Variants in HDAC10 observed in about 807,000 individuals in gnomAD.
The protein encoded by HDAC10 is histone deacetylase 10.
In HDAC10, 90 loss-of-function variants were observed where a neutral mutation model predicts 82.3. The observed-to-expected ratio is 1.09, with a 90% CI of 0.92 to 1.30. The LOEUF is 1.30. Among genes scored for constraint, HDAC10 ranks in the 50% most tolerant of loss-of-function variants. The pLI is 0.00. For missense variants in HDAC10, 934 were observed against 876.3 expected, an observed-to-expected ratio of 1.07 and a Z score of -0.83; for synonymous variants, 456 against 391.7, an observed-to-expected ratio of 1.16 and a Z score of -1.94.
Position 50,250,094 on chromosome 22 carries a change from C to A in HDAC10, c.358G>T (p.Gly120Ter). ...AGGGCAAGCCCATTTTGCACAGCTCCAGTGAGCACAGCGTCCACCAGCTGC... is the reference window on the plus strand; with the variant it reads ...AGGGCAAGCCCATTTTGCACAGCTCAAGTGAGCACAGCGTCCACCAGCTGC... Reference protein sequence around the residue: ...GLQLVDAVLTGAVQNGLALVR... With the variant: ...GLQLVDAVLT Residue 120 changes from glycine to a stop codon, truncating the protein, a stop_gained, in exon 4 of 20, where the codon GGA (glycine) becomes TGA (stop). Transcript: ENST00000216271. LOFTEE classifies it high-confidence loss of function. 6.2e-7 allele frequency: 1 copy of A among 1,612,746 alleles called. No homozygotes were observed. The highest frequency in any genetic ancestry group is 1.1e-5 in the South Asian group (1 of 91,086).
rs752405222 is a variant in HDAC10 at position 50,250,835 on chromosome 22, C to G, written c.130G>C (p.Glu44Gln). 2.5e-6 allele frequency: 4 copies of G among 1,603,060 alleles called. No individual in the cohort carries two copies. The highest frequency in any genetic ancestry group is 1.7e-5 in the Admixed American group (1 of 59,096). The part of the protein sequence containing the change: ...ALDRLRQRGL[E>Q]QRCLRLSARE... Reference sequence around the variant, plus strand: ...GCTGACAACCGCAGACACCTCTGTTCCAGGCCGCGCTGCCGCAGGCGATCC... The same window carrying G: ...GCTGACAACCGCAGACACCTCTGTTGCAGGCCGCGCTGCCGCAGGCGATCC... The change falls in exon 2 of 20, where the codon GAA becomes CAA. Residue 44 changes from glutamate to glutamine, a missense_variant. Glu to Gln is a conservative substitution (Grantham distance 29). Transcript: ENST00000216271.
intron 16 of HDAC10, 45 bp from the exon 17 acceptor site, chr22:50,246,421 CT>C: frequency 6.6e-7 from 1 of 1,518,508 alleles, no homozygotes; most frequent in Non-Finnish European, 9.1e-7. Context: ...GCTCACCCTC[CT>C]GAGCCCAAAC....
Position 50,245,524 on chromosome 22 carries a change from G to C in HDAC10, c.1993C>G (p.Pro665Ala), listed in dbSNP as rs1742417928. ...EPQWKMLQCHPHLVA is the reference protein window; with the variant it reads ...EPQWKMLQCHAHLVA ...GGCCGATTTCAAGCCACCAGGTGAG[G>C]ATGGCACTACAGGAGGAGCCGAGAA... is the stretch of plus-strand genomic sequence containing the variant. The change falls in exon 20 of 20, where the codon CCT (proline) becomes GCT (alanine). Residue 665 changes from proline to alanine, a missense_variant. Coordinates refer to ENST00000216271, the MANE Select transcript of HDAC10 (RefSeq NM_032019.6). 3 of 929,994 alleles carry C rather than the reference G, an allele frequency of 3.2e-6. No homozygotes were observed. In the African/African-American group the frequency reaches 4.9e-5, roughly 15 times the overall value. 57.6% of individuals were successfully genotyped at this position (929,994 alleles called of 1,614,324 possible).
rs749182880 is a variant in HDAC10, at chr22:50,249,193, C to T, written c.691-25G>A. On this transcript the variant is annotated intron_variant, in intron 7 of 19. Coordinates refer to ENST00000216271, the MANE Select transcript of HDAC10 (RefSeq NM_032019.6). This position sits in a 1 kb window ranked among gnomAD's most constrained non-coding sequence, Gnocchi z 4.4. ...CCTGGCAGGACATCCCAGGCTACAT[C>T]CTGAACTGTGGGGCAGGGGAGGGGC... The T allele has an allele frequency of 1.9e-6, 3 of 1,548,858 alleles. No homozygotes were observed. Among genetic ancestry groups the T allele is most frequent in the South Asian group, 2.3e-5 (2 of 85,262 alleles).
Position 50,248,728 on chromosome 22 carries a change from C to A in HDAC10, c.840G>T (p.Glu280Asp). 1 of 1,573,526 alleles carries A rather than the reference C, an allele frequency of 6.4e-7. No individual in the cohort carries two copies. The highest frequency in any genetic ancestry group is 8.6e-7 in the Non-Finnish European group (1 of 1,159,010). Residue 280 changes from glutamate (E) to aspartate (D), a missense_variant, in exon 10 of 20, where the codon GAG becomes GAT. Physicochemically the swap from Glu to Asp is conservative, Grantham distance 45. Coordinates refer to ENST00000216271, the MANE Select transcript of HDAC10 (RefSeq NM_032019.6). This position sits in a 1 kb window ranked among gnomAD's most constrained non-coding sequence, Gnocchi z 5.4. The stretch of plus-strand genomic sequence containing the variant: ...GCAGCTGTGTGAGGTGGGCGAAGCA[C>A]TCTGGCGTGGCCTGCATTTGCCCCT... ...DPEGQMQATP[E>D]CFAHLTQLLQ...
Position 50,249,986 on chromosome 22 carries a change from T to C in HDAC10, c.390-22A>G. 3.7e-6 allele frequency: 6 copies of C among 1,610,946 alleles called. No homozygotes were observed. The highest frequency in any genetic ancestry group is 4.2e-6 in the Non-Finnish European group (5 of 1,178,344). On this transcript the variant is annotated intron_variant, in intron 4 of 19. Coordinates refer to ENST00000216271, the MANE Select transcript of HDAC10 (RefSeq NM_032019.6). The surrounding 1 kb of genome is among the most constrained non-coding windows in gnomAD (Gnocchi z 4.4). ...AGGCCTACGGCGTGAGAGTAGGATTTGGGTCACGTCAGGGTCGCCCTGGCC... is the reference window on the plus strand; with the variant it reads ...AGGCCTACGGCGTGAGAGTAGGATTCGGGTCACGTCAGGGTCGCCCTGGCC...
intron 17 of HDAC10, 65 bp downstream of exon 17, chr22:50,246,233 A>T: frequency 6.5e-7 from 1 of 1,530,920 alleles, no homozygotes; most frequent in Non-Finnish European, 9.0e-7. Flanking sequence ...AATGCCAGCA[A>T]ACAGCAGCTG....
intron 17 of HDAC10, 39 bp from the exon 18 acceptor site, chr22:50,246,131 A>G: frequency 6.4e-7 from 1 of 1,570,938 alleles, no homozygotes; most frequent in Non-Finnish European, 8.7e-7. Context: ...ATCTACGGAC[A>G]CCTGCTGGCT....
At chr22:50,247,287 C>A (rs980085783) in intron 14 of HDAC10, 3 of 324,734 alleles carry the variant, frequency 9.2e-6, no homozygotes, top group African/African-American at 6.4e-5. Flanking sequence ...CACACACCAC[C>A]ACGCTTGGCT....
rs372395708 is a variant in HDAC10 at position 50,246,395 on chromosome 22, A to G, written c.1572-19T>C. 28 of 1,602,966 alleles carry G rather than the reference A, an allele frequency of 1.7e-5. No individual in the cohort carries two copies. Among genetic ancestry groups the G allele is most frequent in the Admixed American group, 3.3e-5 (2 of 60,000 alleles). The stretch of plus-strand genomic sequence containing the variant: ...ACTCCTCCTTCCAGGACACAGGTGC[A>G]TAAGTGTAAGGCCCTGCTCACCCTC... On this transcript the variant is annotated intron_variant, in intron 16 of 19. Transcript: ENST00000216271.
chr22:50,245,189 T>C lies in HDAC10; in HGVS notation c.*318A>G, dbSNP rs2064910208. 3.9e-6 allele frequency: 2 copies of C among 507,334 alleles called. No individual in the cohort carries two copies. Among genetic ancestry groups the C allele is most frequent in the African/African-American group, 2.0e-5 (1 of 48,868 alleles). The allele number at this position is 507,334 out of a possible 1,614,324, so 31.4% of individuals were successfully genotyped here. A position where few individuals can be genotyped will look rare whatever the true frequency, so the allele number is the denominator to read the frequency against. ...AAAGGAGGCAGAGCCAGCGTTTCGT[T>C]TGAGCGATGTTTACTAACGGCGCAA... On this transcript the variant is annotated 3_prime_UTR_variant, in exon 20 of 20. Transcript: ENST00000216271.
chr22:50,247,016 C>T, intron 14 of HDAC10, 50 bp from the exon 15 acceptor site: 1 of 1,217,126 alleles, frequency 8.2e-7, no homozygotes, highest in Non-Finnish European at 1.2e-6. Flanking sequence ...AACTCCCAAG[C>T]CAGGTAAACA....
rs1274532206 is a variant in HDAC10, at chr22:50,251,159, G to T, written c.-127C>A. 1.0e-6 allele frequency: 1 copy of T among 979,780 alleles called. No homozygotes were observed. The highest frequency in any genetic ancestry group is 1.6e-5 in the African/African-American group (1 of 61,234). 60.7% of individuals were successfully genotyped at this position (979,780 alleles called of 1,614,324 possible). ...TGCCTGGGGCGCAGGCGGGCGGCGG[G>T]CACCGGCCTGGGCGGGAGCGCACAG... On this transcript the variant is annotated 5_prime_UTR_variant, in exon 1 of 20. Transcript: ENST00000216271.
At chr22:50,247,343 G>A (rs1173865693) in intron 14 of HDAC10, 2 of 317,928 alleles carry the variant, frequency 6.3e-6, no homozygotes, top group East Asian at 5.7e-5. Context: ...ATGTTCTCTA[G>A]GCTGGTCTTG....
At position 50,245,343 on chromosome 22, in the gene HDAC10, G is replaced by T; in HGVS notation, c.*164C>A. On this transcript the variant is annotated 3_prime_UTR_variant, in exon 20 of 20. Transcript: ENST00000216271. ...GGCGAGGTGAGGTGAGGGGTGGAGC[G>T]GGGGAAGCACGGGTGGGAGAGGGCG... 1.5e-6 allele frequency: 1 copy of T among 647,260 alleles called. No homozygotes were observed. Among genetic ancestry groups the T allele is most frequent in the South Asian group, 1.7e-5 (1 of 57,322 alleles). The allele number at this position is 647,260 out of a possible 1,614,324, so 40.1% of individuals were successfully genotyped here.
At chr22:50,247,137 A>ATTT (rs35992238) in intron 14 of HDAC10, 171 bp from the exon 15 acceptor site, 567 of 379,366 alleles carry the variant, frequency 1.5e-3, no homozygotes, top group Middle Eastern at 3.5e-3. Context: ...TACGTCTATA[A>ATTT]TTTTTTTTTT....
In HDAC10 at chr22:50,250,115, G is replaced by C. The variant is rs759092234; in HGVS notation, c.337C>G (p.Leu113Val). 1 of 1,612,722 alleles carries C rather than the reference G, an allele frequency of 6.2e-7. No individual in the cohort carries two copies. The highest frequency in any genetic ancestry group is 1.7e-5 in the Admixed American group (1 of 60,018). ...GCTCCAGTGAGCACAGCGTCCACCA[G>C]CTGCAGTCCAGCCCCTGCGGCCAGC... Reference protein sequence around the residue: ...ARLAAGAGLQLVDAVLTGAVQ... With the variant: ...ARLAAGAGLQVVDAVLTGAVQ... Residue 113 changes from leucine to valine, a missense_variant, in exon 4 of 20, where the codon CTG (leucine) becomes GTG (valine). Physicochemically the swap from Leu to Val is conservative, Grantham distance 32 (BLOSUM62 1). Coordinates refer to ENST00000216271, the MANE Select transcript of HDAC10 (RefSeq NM_032019.6).
Position 50,248,266 on chromosome 22 carries a change from C to A in HDAC10, c.1040G>T (p.Arg347Leu), listed in dbSNP as rs771817625. Residue 347 changes from arginine (R) to leucine (L), a missense_variant, in exon 12 of 20, where the codon CGT becomes CTT. Transcript: ENST00000216271. The surrounding 1 kb of genome is among the most constrained non-coding windows in gnomAD (Gnocchi z 5.4). ...CTTCCAGTGCGGGGCCTGGGCAGCACGGGCACTCTGGATGGACTCTAGGGC... is the reference window on the plus strand; with the variant it reads ...CTTCCAGTGCGGGGCCTGGGCAGCAAGGGCACTCTGGATGGACTCTAGGGC... Reference protein sequence around the residue: ...QSALESIQSARAAQAPHWKSL... With the variant: ...QSALESIQSALAAQAPHWKSL... 2.3e-5 allele frequency: 37 copies of A among 1,612,478 alleles called. No homozygotes were observed. The highest frequency in any genetic ancestry group is 3.1e-5 in the Non-Finnish European group (36 of 1,179,904).
chr22:50,249,145 G>A lies in HDAC10; in HGVS notation c.714C>T (p.Tyr238=), dbSNP rs764574347. 33 of 1,594,292 alleles carry A rather than the reference G, an allele frequency of 2.1e-5. No individual in the cohort carries two copies. Among genetic ancestry groups the A allele is most frequent in the Middle Eastern group, 3.3e-4 (2 of 6,026 alleles). Residue 238 remains tyrosine, a synonymous_variant, in exon 8 of 20, where the codon TAC becomes TAT. Transcript: ENST00000216271. This position sits in a 1 kb window ranked among gnomAD's most constrained non-coding sequence, Gnocchi z 4.4. The part of the protein sequence containing the change: ...WNQVGMGNAD[Y]VAAFLHLLLP... ...GCAGCAGGTGCAGGAAGGCAGCCAC[G>A]TAGTCAGCGTTTCCCATCCCAACCT...
Sources: gnomAD v4.1 joint callset for allele counts on GRCh38, gnomAD v4.1.1 for gene constraint, Gnocchi (gnomAD v3.1) non-coding constraint, MANE v1.5 for transcripts, NCBI Gene and HGNC (gene_info 2026-07-23, HGNC 2026-07-21) for gene names.